The following CAMK1D variants were observed in gnomAD, a reference collection of about 807,000 sequenced individuals.
The protein encoded by CAMK1D is calcium/calmodulin dependent protein kinase ID.
Under a neutral mutation model 47.7 loss-of-function variants are expected in CAMK1D, and 9 were observed. The ratio of observed to expected loss-of-function variants is 0.19; its 90% CI spans 0.11 to 0.33. CAMK1D has a LOEUF of 0.33. Among genes scored for constraint, CAMK1D ranks in the 10% least tolerant of loss-of-function variants. The pLI is 1.00. For missense variants in CAMK1D, 291 were observed against 488.7 expected (o/e 0.60, Z 3.81); for synonymous variants, 184 against 184.9 (o/e 0.99, Z 0.04).
intron 3 of CAMK1D, among the ~76,000 whole-genome samples, chr10:12,729,942 C>T (rs1054226788): frequency 5.4e-5 from 8 of 148,422 alleles, no homozygotes; most frequent in African/African-American, 2.0e-4. Flanking sequence ...TCCCATAGAG[C>T]GTTTTAGGCT....
At chr10:12,651,775 G>A (rs1839973246) in intron 2 of CAMK1D, among the ~76,000 whole-genome samples, 1 of 151,302 alleles carries the variant, frequency 6.6e-6, no homozygotes, top group South Asian at 2.1e-4. Flanking sequence ...TACCATCTTT[G>A]GAAATAACTT....
intron 2 of CAMK1D, among the ~76,000 whole-genome samples, chr10:12,568,115 T>TG: frequency 1.4e-5 from 2 of 145,284 alleles, no homozygotes; most frequent in African/African-American, 5.2e-5. Context: ...TTTCCTGCCT[T>TG]CCTGCCCTCC....
chr10:12,411,475 G>A (rs1226585295), intron 1 of CAMK1D, among the ~76,000 whole-genome samples: 1 of 152,032 alleles, frequency 6.6e-6, no homozygotes, highest in Non-Finnish European at 1.5e-5. Flanking sequence ...CCCTGTGAGT[G>A]CCTTAATGAG....
At chr10:12,633,748 G>A (rs558473957) in intron 2 of CAMK1D, among the ~76,000 whole-genome samples, 33 of 151,840 alleles carry the variant, frequency 2.2e-4, no homozygotes, top group Middle Eastern at 3.4e-3. Context: ...GTGGAGATGG[G>A]GTCTCTCTAT....
chr10:12,648,025 A>G (rs941987373), intron 2 of CAMK1D, among the ~76,000 whole-genome samples: 2 of 152,262 alleles, frequency 1.3e-5, no homozygotes, highest in Non-Finnish European at 2.9e-5. Flanking sequence ...CACTCTTGCC[A>G]TGATGCCATC....
chr10:12,704,360 A>G (rs1833649218), intron 3 of CAMK1D, among the ~76,000 whole-genome samples: 1 of 152,158 alleles, frequency 6.6e-6, no homozygotes, highest in African/African-American at 2.4e-5. Context: ...GATCATTATT[A>G]TCTTAGTTTT....
chr10:12,773,737 A>T (rs1195225067), intron 5 of CAMK1D, among the ~76,000 whole-genome samples: 1 of 152,152 alleles, frequency 6.6e-6, no homozygotes, highest in Non-Finnish European at 1.5e-5. Context: ...TACTAAAAAT[A>T]CAAAAAATTA....
intron 2 of CAMK1D, among the ~76,000 whole-genome samples, chr10:12,560,410 G>A (rs757520614): frequency 5.9e-4 from 90 of 151,802 alleles, no homozygotes; most frequent in Non-Finnish European, 9.6e-4. Context: ...AAAATTAGTC[G>A]GGCATGGTGG....
chr10:12,432,888 T>G lies in CAMK1D; in HGVS notation c.92+82978T>G, dbSNP rs184261799. 2.2e-4 allele frequency among the ~76,000 whole-genome samples: 34 copies of G among 152,038 alleles called. No individual in the cohort carries two copies. The East Asian group carries it at 6.4e-3, about 28-fold the overall frequency. On this transcript the variant is annotated intron_variant, in intron 1 of 10. Coordinates refer to ENST00000619168, the MANE Select transcript of CAMK1D (RefSeq NM_153498.4). ...TCCCAAGATGGTGCCGTCTCGGCAATGGGAGCTGCTGCACAGCACAGGATG... is the reference window on the plus strand; with the variant it reads ...TCCCAAGATGGTGCCGTCTCGGCAAGGGGAGCTGCTGCACAGCACAGGATG...
At chr10:12,444,099 G>C (rs1333783480) in intron 1 of CAMK1D, among the ~76,000 whole-genome samples, 1 of 152,190 alleles carries the variant, frequency 6.6e-6, no homozygotes, top group Non-Finnish European at 1.5e-5. Context: ...AGAGGTCACT[G>C]TCATCGCCAT....
intron 1 of CAMK1D, among the ~76,000 whole-genome samples, chr10:12,452,451 G>A (rs1833111558): frequency 6.6e-6 from 1 of 150,966 alleles, no homozygotes; most frequent in Non-Finnish European, 1.5e-5. Context: ...ATACAATATT[G>A]TATACAATAC....
chr10:12,391,980 C>A (rs1056870879), intron 1 of CAMK1D, among the ~76,000 whole-genome samples: 18 of 115,508 alleles, frequency 1.6e-4, no homozygotes, highest in African/African-American at 5.3e-4. Flanking sequence ...TCTTAAAACA[C>A]ACACACACAC....
intron 1 of CAMK1D, among the ~76,000 whole-genome samples, chr10:12,405,781 A>G (rs1300832886): frequency 6.6e-6 from 1 of 152,206 alleles, no homozygotes; most frequent in African/African-American, 2.4e-5. Context: ...TTACAAGAAC[A>G]AACACTTAGC....
chr10:12,542,538 C>G (rs1252942266), intron 1 of CAMK1D, among the ~76,000 whole-genome samples: 1 of 152,114 alleles, frequency 6.6e-6, no homozygotes, highest in African/African-American at 2.4e-5. Context: ...TGTCATGAAT[C>G]AAAAAGACAG....
chr10:12,645,588 A>G (rs766856302), intron 2 of CAMK1D, among the ~76,000 whole-genome samples: 11 of 152,182 alleles, frequency 7.2e-5, no homozygotes, highest in Admixed American at 5.9e-4. Flanking sequence ...TGGGGTCACA[A>G]GATGGCTGCC....
chr10:12,670,076 A>G (rs1347122018), intron 3 of CAMK1D, among the ~76,000 whole-genome samples: 1 of 150,378 alleles, frequency 6.6e-6, no homozygotes, highest in Non-Finnish European at 1.5e-5. Context: ...GTTGCGTTCA[A>G]CTTTTTAATA....
chr10:12,614,977 A>C (rs942960905), intron 2 of CAMK1D, among the ~76,000 whole-genome samples: 2 of 152,224 alleles, frequency 1.3e-5, no homozygotes, highest in African/African-American at 4.8e-5. Flanking sequence ...TCAACTCAGC[A>C]GGTGCCTGGA....
At chr10:12,590,224 T>A (rs530269557) in intron 2 of CAMK1D, among the ~76,000 whole-genome samples, 2 of 152,098 alleles carry the variant, frequency 1.3e-5, no homozygotes, top group African/African-American at 2.4e-5. Flanking sequence ...AGTCTTTTAT[T>A]TTTTATTTTT....
At chr10:12,621,726 A>G (rs1469071424) in intron 2 of CAMK1D, among the ~76,000 whole-genome samples, 1 of 152,224 alleles carries the variant, frequency 6.6e-6, no homozygotes, top group Non-Finnish European at 1.5e-5. Context: ...CATTGCTAGC[A>G]TACAGGACTT....
Sources: gnomAD v4.1 joint callset for allele counts (sites outside exome capture counted in the v4.1 genomes callset) on GRCh38, gnomAD v4.1.1 for gene constraint, MANE v1.5 for transcripts, NCBI Gene and HGNC (gene_info 2026-07-23, HGNC 2026-07-21) for gene names.